Variants in ULK4 observed in about 807,000 individuals in gnomAD.
ULK4 encodes inactive serine/threonine-protein kinase ULK4.
In ULK4, 133 loss-of-function variants were observed where a neutral mutation model predicts 160.6. The ratio of observed to expected loss-of-function variants is 0.83; its 90% confidence interval spans 0.72 to 0.96. ULK4 has a LOEUF of 0.96. ULK4 is among the 40% of genes least tolerant of loss of function. The pLI, the probability that ULK4 is intolerant of heterozygous loss-of-function variation, is 0.00. For synonymous variants in ULK4, 534 were observed against 539.8 expected (o/e 0.99, Z 0.15); for missense variants, 1,580 against 1,499.5 (o/e 1.05, Z -0.89).
chr3:41,547,892 G>A (rs2086918958), intron 32 of ULK4, among the ~76,000 whole-genome samples: 2 of 152,142 alleles, frequency 1.3e-5, no homozygotes, highest in Non-Finnish European at 2.9e-5. Flanking sequence ...GGCTGCTCTT[G>A]GGACAAACGG....
chr3:41,279,255 T>TAAAAAAAAAAAAA (rs771175184), intron 35 of ULK4, among the ~76,000 whole-genome samples: 4 of 43,048 alleles, frequency 9.3e-5, no homozygotes, highest in African/African-American at 2.5e-4. Flanking sequence ...AAAAAAAGAG[T>TAAAAAAAAAAAAA]AAAAAAAAAA....
intron 5 of ULK4, among the ~76,000 whole-genome samples, chr3:41,924,542 T>C (rs1272264464): frequency 2.0e-5 from 3 of 152,218 alleles, no homozygotes; most frequent in Non-Finnish European, 4.4e-5. Flanking sequence ...TTCCCCTTAC[T>C]AAATATGCAT....
chr3:41,480,765 G>A (rs1184731834), intron 32 of ULK4, among the ~76,000 whole-genome samples: 3 of 152,164 alleles, frequency 2.0e-5, no homozygotes, highest in Non-Finnish European at 4.4e-5. Flanking sequence ...GGGCTGGGGA[G>A]GCCTCAGGAA....
intron 32 of ULK4, among the ~76,000 whole-genome samples, chr3:41,470,997 A>AT (rs1156361398): frequency 6.6e-6 from 1 of 152,184 alleles, no homozygotes; most frequent in Non-Finnish European, 1.5e-5. Context: ...ATGTAAACAG[A>AT]TTAAATTCTC....
Position 41,878,663 on chromosome 3 carries a change from T to C in ULK4, c.1656+5211A>G, listed in dbSNP as rs375839972. Reference sequence around the variant, plus strand: ...CTACATGTAGACAATAATCGATTGATGTTAAAACTGTTAAAAAAAAAAAAA... The same window carrying C: ...CTACATGTAGACAATAATCGATTGACGTTAAAACTGTTAAAAAAAAAAAAA... On this transcript the variant is annotated intron_variant, in intron 17 of 36. Transcript: ENST00000301831. 3.7e-4 allele frequency among the ~76,000 whole-genome samples: 45 copies of C among 120,062 alleles called. No homozygotes were observed. The East Asian group carries it at 0.011, about 29-fold the overall frequency. 78.8% of individuals were successfully genotyped at this position (120,062 alleles called of 152,430 possible).
intron 8 of ULK4, among the ~76,000 whole-genome samples, chr3:41,914,496 G>A (rs144533798): frequency 3.2e-4 from 49 of 152,288 alleles, no homozygotes; most frequent in Non-Finnish European, 5.1e-4. Flanking sequence ...CATGTTCCTA[G>A]AATGCAGGAA....
At chr3:41,445,053 A>G (rs1386824347) in intron 34 of ULK4, among the ~76,000 whole-genome samples, 2 of 152,202 alleles carry the variant, frequency 1.3e-5, no homozygotes, top group Non-Finnish European at 2.9e-5. Flanking sequence ...ATGTGCAAAA[A>G]TCACAAGCAT....
chr3:41,572,493 C>CCA (rs1184219217), intron 31 of ULK4, among the ~76,000 whole-genome samples: 1 of 151,726 alleles, frequency 6.6e-6, no homozygotes, highest in African/African-American at 2.4e-5. Flanking sequence ...GATAAATAAC[C>CCA]CACACGCCTG....
chr3:41,355,757 T>C (rs1207166924), intron 35 of ULK4, among the ~76,000 whole-genome samples: 1 of 152,218 alleles, frequency 6.6e-6, no homozygotes, highest in African/African-American at 2.4e-5. Flanking sequence ...ATTAGACTTG[T>C]TATAAATTTA....
intron 12 of ULK4, among the ~76,000 whole-genome samples, chr3:41,904,457 G>C (rs926886954): frequency 6.6e-6 from 1 of 151,948 alleles, no homozygotes; most frequent in African/African-American, 2.4e-5. Context: ...TAAATAGATA[G>C]ATAGATAGAT....
intron 32 of ULK4, among the ~76,000 whole-genome samples, chr3:41,503,651 T>G (rs1318982068): frequency 2.0e-5 from 3 of 152,192 alleles, no homozygotes; most frequent in African/African-American, 7.2e-5. Flanking sequence ...AATGATGTCT[T>G]TTTATATCTT....
chr3:41,762,968 T>C (rs1441115435), intron 21 of ULK4, among the ~76,000 whole-genome samples: 3 of 152,040 alleles, frequency 2.0e-5, no homozygotes, highest in Non-Finnish European at 2.9e-5. Context: ...TGGCCAGAAG[T>C]GCCGCACTTT....
chr3:41,792,001 A>G (rs9834098), intron 20 of ULK4, among the ~76,000 whole-genome samples: 45,068 of 152,080 alleles, frequency 0.3, 9,360 homozygotes, highest in African/African-American at 0.59. Flanking sequence ...ATTAAACTCT[A>G]CTTTGGGCAT....
intron 35 of ULK4, among the ~76,000 whole-genome samples, chr3:41,368,248 A>G (rs1331532016): frequency 6.6e-6 from 1 of 151,728 alleles, no homozygotes; most frequent in African/African-American, 2.4e-5. Flanking sequence ...ATGGGGTTTC[A>G]CTGTGTTAGC....
At chr3:41,904,069 CTTTTACA>C (rs1306041391) in intron 12 of ULK4, among the ~76,000 whole-genome samples, 1 of 150,042 alleles carries the variant, frequency 6.7e-6, no homozygotes, top group Non-Finnish European at 1.5e-5. Context: ...TCTTTGTCCT[CTTTTACA>C]TTTTACAAGT....
chr3:41,521,834 C>T (rs762439759), intron 32 of ULK4, among the ~76,000 whole-genome samples: 25 of 152,176 alleles, frequency 1.6e-4, no homozygotes, highest in Non-Finnish European at 3.4e-4. Flanking sequence ...AAAGATCTCA[C>T]CAAATAAGTT....
intron 34 of ULK4, among the ~76,000 whole-genome samples, chr3:41,407,345 G>A (rs1484817544): frequency 6.6e-6 from 1 of 152,026 alleles, no homozygotes; most frequent in African/African-American, 2.4e-5. Context: ...GAACACTTCT[G>A]AACTCATTCT....
At chr3:41,524,202 T>C (rs2086031421) in intron 32 of ULK4, among the ~76,000 whole-genome samples, 1 of 152,206 alleles carries the variant, frequency 6.6e-6, no homozygotes, top group African/African-American at 2.4e-5. Context: ...TATTGTGTCA[T>C]GAATACACTA....
At chr3:41,736,090 A>C (rs1284881852) in intron 22 of ULK4, among the ~76,000 whole-genome samples, 1 of 151,400 alleles carries the variant, frequency 6.6e-6, no homozygotes, top group Non-Finnish European at 1.5e-5. Context: ...CCAGTCTATC[A>C]TTGTTGGACA....
Sources: gnomAD v4.1 joint callset for allele counts (sites outside exome capture counted in the v4.1 genomes callset) on GRCh38, gnomAD v4.1.1 for gene constraint, MANE v1.5 for transcripts, NCBI Gene and HGNC (gene_info 2026-07-23, HGNC 2026-07-21) for gene names.